The following PTK2 variants were observed in gnomAD, a reference collection of about 807,000 sequenced individuals.
The protein encoded by PTK2 is focal adhesion kinase 1.
PTK2 carries 45 observed loss-of-function variants against 150.1 expected under a neutral mutation model. The ratio of observed to expected loss-of-function variants is 0.30; its 90% CI spans 0.24 to 0.38. PTK2 has a LOEUF of 0.38. Among genes scored for constraint, PTK2 ranks in the 10% least tolerant of loss-of-function variants. The pLI is 1.00. For missense variants in PTK2, 919 were observed against 1,307.3 expected, an observed-to-expected ratio of 0.70 and a Z score of 4.58; for synonymous variants, 432 against 449.2, an observed-to-expected ratio of 0.96 and a Z score of 0.48.
intron 26 of PTK2, among the ~76,000 whole-genome samples, chr8:140,691,192 G>GT (rs2100022970): frequency 6.9e-6 from 1 of 144,414 alleles, no homozygotes; most frequent in Non-Finnish European, 1.5e-5. Flanking sequence ...TTTAGAGATG[G>GT]TTGGGGGTGG....
At chr8:140,734,781 G>A (rs755962244) in intron 22 of PTK2, 1 of 516,728 alleles carries the variant, frequency 1.9e-6, no homozygotes, top group Non-Finnish European at 3.9e-6. Context: ...TCTGAGCTGG[G>A]TTCTGAAAAC....
chr8:140,815,998 T>C (rs1183669504), intron 10 of PTK2, among the ~76,000 whole-genome samples: 1 of 152,174 alleles, frequency 6.6e-6, no homozygotes, highest in Non-Finnish European at 1.5e-5. Context: ...TTATTAAACA[T>C]GATCTTTGAG....
chr8:140,874,675 T>C (rs187589866), intron 4 of PTK2, among the ~76,000 whole-genome samples: 1 of 151,954 alleles, frequency 6.6e-6, no homozygotes, highest in African/African-American at 2.4e-5. Flanking sequence ...AAAAAGAGAG[T>C]ACCTACATGA....
At chr8:140,672,194 C>T (rs1035438341) in intron 29 of PTK2, 1 of 448,234 alleles carries the variant, frequency 2.2e-6, no homozygotes, top group Non-Finnish European at 4.5e-6. Context: ...CTCATTCTGT[C>T]CCCTTTTCTT....
intron 1 of PTK2, among the ~76,000 whole-genome samples, chr8:140,939,398 C>T (rs2100174879): frequency 6.6e-6 from 1 of 152,186 alleles, no homozygotes. Flanking sequence ...GCTCTATATA[C>T]TGCAAGTTCA....
intron 8 of PTK2, among the ~76,000 whole-genome samples, chr8:140,823,785 A>G (rs1292688742): frequency 6.6e-6 from 1 of 152,244 alleles, no homozygotes; most frequent in African/African-American, 2.4e-5. Flanking sequence ...TCTCTTGACT[A>G]GTAGCACTAG....
intron 25 of PTK2, among the ~76,000 whole-genome samples, 190 bp from the exon 29 acceptor site, chr8:140,701,212 A>G (rs1352393845): frequency 6.6e-6 from 1 of 152,248 alleles, no homozygotes; most frequent in South Asian, 2.1e-4. Flanking sequence ...ATCTTTAAAA[A>G]GTATGCAATC....
intron 19 of PTK2, among the ~76,000 whole-genome samples, chr8:140,743,636 G>A (rs994316475): frequency 3.3e-5 from 5 of 151,968 alleles, no homozygotes; most frequent in African/African-American, 9.7e-5. Flanking sequence ...TACTACCAAC[G>A]GCATTAACTG....
At chr8:140,686,732 T>A (rs2100020108) in intron 26 of PTK2, 38 bp from the exon 30 acceptor site, 2 of 1,567,336 alleles carry the variant, frequency 1.3e-6, no homozygotes, top group Non-Finnish European at 1.8e-6. Context: ...AATTTCATTT[T>A]TGATTTGAAA....
Position 140,752,217 on chromosome 8 carries a change from T to C in PTK2, c.1417+15A>G, listed in dbSNP as rs759699927. The C allele has an allele frequency of 6.2e-7, 1 of 1,601,152 alleles. No homozygotes were observed. Among genetic ancestry groups the C allele is most frequent in the Non-Finnish European group, 8.6e-7 (1 of 1,169,532 alleles). ...AAAGTCAAATGGAGTTCCACAGAAATTTCTAGACACTTACAGGCTTCTTGA... is the reference window on the plus strand; with the variant it reads ...AAAGTCAAATGGAGTTCCACAGAAACTTCTAGACACTTACAGGCTTCTTGA... On this transcript the variant is annotated intron_variant, in intron 17 of 31. Coordinates refer to ENST00000522684, the Ensembl canonical transcript of PTK2.
At chr8:140,698,799 C>T (rs2100028414) in intron 26 of PTK2, among the ~76,000 whole-genome samples, 1 of 151,990 alleles carries the variant, frequency 6.6e-6, no homozygotes, top group Admixed American at 6.6e-5. Flanking sequence ...ATTTTTAGTA[C>T]AGATGGGGTT....
chr8:140,820,095 T>G (rs1203187637), intron 8 of PTK2, among the ~76,000 whole-genome samples: 6 of 84,530 alleles, frequency 7.1e-5, no homozygotes, highest in African/African-American at 3.0e-4. Context: ...TTTTTTTTTT[T>G]TTTTTTTTTT....
At chr8:140,671,344 CCT>C (rs570932233) in intron 29 of PTK2, among the ~76,000 whole-genome samples, 1,543 of 152,198 alleles carry the variant, frequency 0.01, 27 homozygotes, top group Non-Finnish European at 0.012. Context: ...GCCTCAGCCC[CCT>C]GAGCAGCTGG....
intron 2 of PTK2, among the ~76,000 whole-genome samples, chr8:140,899,392 T>A (rs1198805415): frequency 6.6e-6 from 1 of 152,218 alleles, no homozygotes; most frequent in Non-Finnish European, 1.5e-5. Context: ...TGAACAACAT[T>A]TGCTAACAAA....
intron 2 of PTK2, among the ~76,000 whole-genome samples, chr8:140,894,715 C>G (rs148477957): frequency 0.01 from 1,595 of 152,110 alleles, 25 homozygotes; most frequent in African/African-American, 0.036. Context: ...GCAAAATAAC[C>G]CCACAAAGTA....
At chr8:140,678,223 T>C (rs2153486203) in intron 27 of PTK2, among the ~76,000 whole-genome samples, 1 of 152,214 alleles carries the variant, frequency 6.6e-6, no homozygotes, top group South Asian at 2.1e-4. Context: ...TGTTTTTGTA[T>C]TTTTGGTAAA....
chr8:140,895,442 A>G (rs2100155781), intron 2 of PTK2, among the ~76,000 whole-genome samples: 1 of 152,124 alleles, frequency 6.6e-6, no homozygotes, highest in Non-Finnish European at 1.5e-5. Flanking sequence ...GGACTGCTTA[A>G]GCCCCAGAGC....
At chr8:140,782,963 G>A (rs1037330683) in intron 14 of PTK2, among the ~76,000 whole-genome samples, 29 of 152,140 alleles carry the variant, frequency 1.9e-4, no homozygotes, top group Non-Finnish European at 4.3e-4. Context: ...CATAGGCTAG[G>A]TGCAGTGGCT....
chr8:140,991,782 G>T (rs2100195776), intron 1 of PTK2, among the ~76,000 whole-genome samples: 1 of 152,108 alleles, frequency 6.6e-6, no homozygotes, highest in African/African-American at 2.4e-5. Flanking sequence ...GCCAAGGTGG[G>T]AGAACTGCTT....
Sources: gnomAD v4.1 joint callset for allele counts (sites outside exome capture counted in the v4.1 genomes callset) on GRCh38, gnomAD v4.1.1 for gene constraint, MANE v1.5 for transcripts, NCBI Gene and HGNC (gene_info 2026-07-23, HGNC 2026-07-21) for gene names.